The following SCN1B variants were observed in gnomAD, a reference collection of about 807,000 sequenced individuals.
The protein encoded by SCN1B is sodium channel regulatory subunit beta-1.
SCN1B carries 11 observed loss-of-function variants against 25.7 expected under a neutral mutation model. The observed-to-expected ratio is 0.43, with a 90% CI of 0.27 to 0.71. The LOEUF is 0.71. Ranked by LOEUF, SCN1B falls within the 30% of genes least tolerant of loss-of-function variation. The probability of loss-of-function intolerance (pLI) is 0.21; values close to 1 mark genes in which losing one functional copy is unlikely to be tolerated. For synonymous variants in SCN1B, 119 were observed against 117.5 expected, an observed-to-expected ratio of 1.01 and a Z score of -0.08; for missense variants, 224 against 291.5, an observed-to-expected ratio of 0.77 and a Z score of 1.69.
chr19:35,034,534 A>G, intron 3 of SCN1B: 1 of 200,180 alleles, frequency 5.0e-6, no homozygotes, highest in Non-Finnish European at 1.0e-5. Context: ...CATCAATTGC[A>G]ATTGTCCAGC....
At chr19:35,036,384 A>G (rs2064247812) in intron 3 of SCN1B, 2 of 151,976 alleles carry the variant, frequency 1.3e-5, no homozygotes, top group African/African-American at 4.8e-5. Flanking sequence ...GTATTTTTTC[A>G]TTACCCACAA....
chr19:35,040,299 GGGTCCCCCCTCCCT>G lies in SCN1B; in HGVS notation c.*510_*523del. 1 of 169,306 alleles carries G rather than the reference GGGTCCCCCCTCCCT, an allele frequency of 5.9e-6. No homozygotes were observed. The highest frequency in any genetic ancestry group is 5.5e-5 in the Admixed American group (1 of 18,066). The allele number at this position is 169,306 out of a possible 1,614,324, so 10.5% of individuals were successfully genotyped here. ...CTCCCGCTTCCTCCGGCTGGACCTG[GGGTCCCCCCTCCCT>G]GTAATGCACTCCTGCCCCGGCCCAA... On this transcript the variant is annotated 3_prime_UTR_variant, in exon 6 of 6. Coordinates refer to ENST00000262631, the MANE Select transcript of SCN1B (RefSeq NM_001037.5).
In SCN1B at chr19:35,034,320, A is replaced by G. The variant is rs968295248; in HGVS notation, c.448+581A>G. The G allele has an allele frequency of 7.0e-6, 5 of 710,516 alleles. No homozygotes were observed. In the African/African-American group the frequency reaches 7.2e-5, roughly 10 times the overall value. 44.0% of individuals were successfully genotyped at this position (710,516 alleles called of 1,614,324 possible). The stretch of plus-strand genomic sequence containing the variant: ...CCCCGGGGGAGCCGCGCTGGCCTGC[A>G]GTCTCACTCAACACCTCTGGGGCGG... On this transcript the variant is annotated intron_variant, in intron 3 of 5. Transcript: ENST00000262631.
At chr19:35,039,315 A>T in intron 4 of SCN1B, 57 bp downstream of exon 4, 1 of 1,603,654 alleles carries the variant, frequency 6.2e-7, no homozygotes, top group Non-Finnish European at 8.5e-7. Flanking sequence ...CACTTGCCAG[A>T]GAGGAACTCC....
Position 35,032,231 on chromosome 19 carries a change from G to A in SCN1B, c.41-297G>A, listed in dbSNP as rs1316373779. Among the ~76,000 whole-genome samples the A allele has an allele frequency of 3.3e-5, 5 of 152,190 alleles. No individual in the cohort carries two copies. Among genetic ancestry groups the A allele is most frequent in the Non-Finnish European group, 7.3e-5 (5 of 68,040 alleles). ...CGGGTAGCATAAAGTCTGAGTTACC[G>A]GCAACGTTGACAGTCCCACTTATGG... On this transcript the variant is annotated intron_variant, in intron 1 of 5. Transcript: ENST00000262631. This position sits in a 1 kb window ranked among gnomAD's most constrained non-coding sequence, Gnocchi z 4.3.
intron 1 of SCN1B, chr19:35,031,345 CAGAG>C (rs1258662100): frequency 1.4e-5 from 2 of 147,742 alleles, no homozygotes; most frequent in South Asian, 2.2e-4. Context: ...GAGACGGAGA[CAGAG>C]AGAGGGGTAT....
At chr19:35,039,423 C>G (rs1439005267) in intron 4 of SCN1B, 165 bp downstream of exon 4, 2 of 1,076,758 alleles carry the variant, frequency 1.9e-6, no homozygotes, top group Non-Finnish European at 1.4e-6. Context: ...GGATAGGGGT[C>G]GTCAGACCCA....
intron 3 of SCN1B, chr19:35,038,792 C>A (rs2151748528): frequency 2.4e-6 from 1 of 425,092 alleles, no homozygotes; most frequent in East Asian, 5.2e-5. Context: ...GGCCTAGAGA[C>A]ATTGAGTCAC....
In SCN1B at chr19:35,032,467, G is replaced by C; in HGVS notation, c.41-61G>C. The stretch of plus-strand genomic sequence containing the variant: ...AGGGGGGAACAGATGGTTTGTGAGG[G>C]GTCTGGCATTGCTTAGGGCAATGGG... On this transcript the variant is annotated intron_variant, in intron 1 of 5. Coordinates refer to ENST00000262631, the MANE Select transcript of SCN1B (RefSeq NM_001037.5). This position sits in a 1 kb window ranked among gnomAD's most constrained non-coding sequence, Gnocchi z 4.3. 6.3e-7 allele frequency: 1 copy of C among 1,587,808 alleles called. No individual in the cohort carries two copies. Among genetic ancestry groups the C allele is most frequent in the South Asian group, 1.1e-5 (1 of 90,440 alleles).
In SCN1B at chr19:35,030,812, C is replaced by A. The variant is rs66671189; in HGVS notation, c.-9C>A. ...CCCGGGAGGGGGGCGCAGCACGCGC[C>A]GCGCAGCCATGGGGAGGCTGCTGGC... On this transcript the variant is annotated 5_prime_UTR_variant, in exon 1 of 6. Coordinates refer to ENST00000262631, the MANE Select transcript of SCN1B (RefSeq NM_001037.5). The A allele has an allele frequency of 1.1e-3, 1,174 of 1,079,936 alleles. 11 individuals are homozygous for A. The African/African-American group carries it at 0.018, about 17-fold the overall frequency. The allele number at this position is 1,079,936 out of a possible 1,614,324, so 66.9% of individuals were successfully genotyped here.
rs886043547 is a variant in SCN1B at position 35,032,655 on chromosome 19, G to C, written c.168G>C (p.Glu56Asp). 1 of 1,614,134 alleles carries C rather than the reference G, an allele frequency of 6.2e-7. No homozygotes were observed. The highest frequency in any genetic ancestry group is 1.3e-5 in the African/African-American group (1 of 75,068). Reference sequence around the variant, plus strand: ...AGACCAACGCTGAGACCTTCACCGAGTGGACCTTCCGCCAGAAGGGCACTG... The same window carrying C: ...AGACCAACGCTGAGACCTTCACCGACTGGACCTTCCGCCAGAAGGGCACTG... Reference protein sequence around the residue: ...RSETNAETFTEWTFRQKGTEE... With the variant: ...RSETNAETFTDWTFRQKGTEE... The change falls in exon 2 of 6, where the codon GAG becomes GAC. Residue 56 changes from glutamate (E) to aspartate (D), a missense_variant. Glu to Asp is a conservative substitution (Grantham distance 45). Around this residue, in one of 3 missense-constraint regions of SCN1B, gnomAD observed 126 missense variants for 204.9 expected, o/e 0.61. Transcript: ENST00000262631. The surrounding 1 kb of genome is among the most constrained non-coding windows in gnomAD (Gnocchi z 4.3).
chr19:35,034,290 T>G, intron 3 of SCN1B: 1 of 1,019,752 alleles, frequency 9.8e-7, no homozygotes, highest in Non-Finnish European at 1.4e-6. Context: ...CCCTCTGCAC[T>G]CCTGCCCCGG....
Position 35,030,779 on chromosome 19 carries a change from A to G in SCN1B, c.-42A>G. The G allele has an allele frequency of 1.2e-6, 1 of 842,362 alleles. No individual in the cohort carries two copies. Among genetic ancestry groups the G allele is most frequent in the Non-Finnish European group, 1.6e-6 (1 of 618,454 alleles). 52.2% of individuals were successfully genotyped at this position (842,362 alleles called of 1,614,324 possible). A position where few individuals can be genotyped will look rare whatever the true frequency, so the allele number is the denominator to read the frequency against. ...CGCCGCCTCTCGCCCCGCTATTAAT[A>G]CCGGCGGCCCGGGAGGGGGGCGCAG... On this transcript the variant is annotated 5_prime_UTR_variant, in exon 1 of 6. In the 5' UTR this introduces an upstream ATG that the reference lacks. Transcript: ENST00000262631.
intron 5 of SCN1B, 45 bp downstream of exon 5, chr19:35,039,751 C>A (rs535939481): frequency 1.3e-6 from 2 of 1,586,572 alleles, no homozygotes; most frequent in African/African-American, 1.3e-5. Flanking sequence ...TGGGAGGGGC[C>A]GAAGTCCCCC....
At chr19:35,034,258 C>G in intron 3 of SCN1B, 1 of 1,326,604 alleles carries the variant, frequency 7.5e-7, no homozygotes. Flanking sequence ...GAGCGTGCCA[C>G]CTAGAGCAGA....
intron 3 of SCN1B, chr19:35,033,941 A>C: frequency 6.4e-7 from 1 of 1,556,546 alleles, no homozygotes; most frequent in Non-Finnish European, 8.7e-7. Flanking sequence ...CGGAGAGGTC[A>C]AAGCATGCCT....
intron 3 of SCN1B, chr19:35,038,202 A>T (rs532626214): frequency 1.3e-5 from 2 of 152,332 alleles, no homozygotes. Context: ...ATGGGATCTC[A>T]GCCATCTAGG....
rs953238350 is a variant in SCN1B, at chr19:35,032,893, C to T, written c.207+199C>T. On this transcript the variant is annotated intron_variant, in intron 2 of 5. Coordinates refer to ENST00000262631, the MANE Select transcript of SCN1B (RefSeq NM_001037.5). This position sits in a 1 kb window ranked among gnomAD's most constrained non-coding sequence, Gnocchi z 4.3. ...CCTCTCTGAAAGTCAGTTTCCTCCT[C>T]GGTAAAGACGGGGTGGCGGTGGTCT... Among the ~76,000 whole-genome samples the T allele has an allele frequency of 6.6e-6, 1 of 152,086 alleles. No individual in the cohort carries two copies. The highest frequency in any genetic ancestry group is 2.4e-5 in the African/African-American group (1 of 41,402).
chr19:35,032,845 G>C lies in SCN1B; in HGVS notation c.207+151G>C. Reference sequence around the variant, plus strand: ...TTCTGGCTCCACCAGTGGCCAGCTGGTGACCTTGGCCAAGTCAGTGAGCCT... The same window carrying C: ...TTCTGGCTCCACCAGTGGCCAGCTGCTGACCTTGGCCAAGTCAGTGAGCCT... On this transcript the variant is annotated intron_variant, in intron 2 of 5. Transcript: ENST00000262631. The surrounding 1 kb of genome is among the most constrained non-coding windows in gnomAD (Gnocchi z 4.3). The C allele has an allele frequency of 1.0e-6, 1 of 967,620 alleles. No homozygotes were observed. The highest frequency in any genetic ancestry group is 1.6e-6 in the Non-Finnish European group (1 of 643,064). The allele number at this position is 967,620 out of a possible 1,614,324, so 59.9% of individuals were successfully genotyped here.
Sources: gnomAD v4.1 joint callset for allele counts (sites outside exome capture counted in the v4.1 genomes callset) on GRCh38, gnomAD v4.1.1 for gene constraint, gnomAD v4.1.1 regional missense constraint, Gnocchi (gnomAD v3.1) non-coding constraint, MANE v1.5 for transcripts, NCBI Gene and HGNC (gene_info 2026-07-23, HGNC 2026-07-21) for gene names.